CENPP: variants seen among roughly 807,000 people sequenced by gnomAD.
CENPP encodes the protein centromere protein P.
CENPP carries 24 observed loss-of-function variants against 35.6 expected under a neutral mutation model. The observed-to-expected ratio is 0.67, with a 90% CI of 0.49 to 0.95. The LOEUF is 0.95. CENPP is among the 40% of genes least tolerant of loss of function. The probability of loss-of-function intolerance (pLI) is 0.00; values close to 1 mark genes in which losing one functional copy is unlikely to be tolerated. For synonymous variants in CENPP, 120 were observed against 125.5 expected (o/e 0.96, Z 0.29); for missense variants, 332 against 345.3 (o/e 0.96, Z 0.31).
At chr9:92,379,429 G>T (rs1842196176) in intron 4 of CENPP, among the ~76,000 whole-genome samples, 2 of 152,210 alleles carry the variant, frequency 1.3e-5, no homozygotes, top group African/African-American at 4.8e-5. Flanking sequence ...AAAGCGCTGT[G>T]CCAGAAACTG....
At chr9:92,567,334 A>G (rs1402199078) in intron 5 of CENPP, among the ~76,000 whole-genome samples, 1 of 147,832 alleles carries the variant, frequency 6.8e-6, no homozygotes, top group Non-Finnish European at 1.5e-5. Context: ...TTTTAAATTG[A>G]CAATTATACA....
rs536270291 is a variant in CENPP, at chr9:92,413,554, C to T, written c.564+33695C>T. 6.6e-5 allele frequency among the ~76,000 whole-genome samples: 10 copies of T among 152,166 alleles called. No homozygotes were observed. The South Asian group carries it at 1.9e-3, about 28-fold the overall frequency. ...TCTAAAACACCTATAGTATTTTCCA[C>T]GTATTAACTCTTAATGTTTGAATTT... On this transcript the variant is annotated intron_variant, in intron 5 of 7. Coordinates refer to ENST00000375587, the MANE Select transcript of CENPP (RefSeq NM_001012267.3).
chr9:92,532,112 C>T (rs969123209), intron 5 of CENPP, among the ~76,000 whole-genome samples: 1 of 145,792 alleles, frequency 6.9e-6, no homozygotes, highest in South Asian at 2.1e-4. Context: ...CCACCTGACT[C>T]AACCTTTCGA....
intron 5 of CENPP, among the ~76,000 whole-genome samples, chr9:92,549,156 C>T (rs1368651108): frequency 6.6e-6 from 1 of 152,190 alleles, no homozygotes; most frequent in Non-Finnish European, 1.5e-5. Flanking sequence ...AGAGACCAAA[C>T]AGACCCACTC....
intron 3 of CENPP, among the ~76,000 whole-genome samples, chr9:92,344,940 G>A (rs932962957): frequency 1.3e-5 from 2 of 151,446 alleles, no homozygotes; most frequent in Non-Finnish European, 1.5e-5. Flanking sequence ...AGGCAGAGAC[G>A]GGGGGATCAG....
chr9:92,393,213 TAAAC>T (rs760127129), intron 5 of CENPP: 75 of 1,607,108 alleles, frequency 4.7e-5, no homozygotes, highest in South Asian at 9.0e-5. Context: ...CAGAGCCACT[TAAAC>T]AAACACACAG....
chr9:92,608,597 C>G (rs1851147297), intron 5 of CENPP, among the ~76,000 whole-genome samples: 1 of 152,194 alleles, frequency 6.6e-6, no homozygotes, highest in African/African-American at 2.4e-5. Flanking sequence ...CTTCTCTCCC[C>G]ACCTGTACAT....
intron 5 of CENPP, among the ~76,000 whole-genome samples, chr9:92,463,848 G>A (rs1418200742): frequency 6.6e-6 from 1 of 152,160 alleles, no homozygotes; most frequent in Admixed American, 6.5e-5. Flanking sequence ...TTAAACTGTT[G>A]TTTTCCTGGA....
At chr9:92,568,185 G>T (rs989871095) in intron 5 of CENPP, among the ~76,000 whole-genome samples, 1 of 151,160 alleles carries the variant, frequency 6.6e-6, no homozygotes, top group East Asian at 1.9e-4. Flanking sequence ...TGCTGTACTC[G>T]TTAACTCAAC....
At chr9:92,328,011 C>T (rs367570218) in intron 1 of CENPP, among the ~76,000 whole-genome samples, 3 of 152,068 alleles carry the variant, frequency 2.0e-5, no homozygotes, top group African/African-American at 7.2e-5. Flanking sequence ...AGGGGTATAA[C>T]GAGGTGTGTC....
intron 5 of CENPP, chr9:92,415,522 C>A (rs754783578): frequency 8.2e-6 from 9 of 1,103,376 alleles, no homozygotes; most frequent in African/African-American, 8.0e-5. Context: ...ATAGTATAAT[C>A]CATAGTTATA....
Position 92,428,998 on chromosome 9 carries a change from C to T in CENPP, c.564+49139C>T, listed in dbSNP as rs571331473. 3.3e-5 allele frequency among the ~76,000 whole-genome samples: 5 copies of T among 152,132 alleles called. No homozygotes were observed. In the East Asian group the frequency reaches 9.7e-4, roughly 29 times the overall value. ...AATCTTGTTGTTAGCTAACTCTTAT[C>T]TTTAAGACATCAGCTTATTCCAGTT... On this transcript the variant is annotated intron_variant, in intron 5 of 7. Coordinates refer to ENST00000375587, the MANE Select transcript of CENPP (RefSeq NM_001012267.3).
chr9:92,417,405 C>T (rs776018014), intron 5 of CENPP: 21 of 1,613,920 alleles, frequency 1.3e-5, no homozygotes, highest in East Asian at 6.7e-5. Flanking sequence ...AAAGGAACTC[C>T]GTAGTCTACA....
chr9:92,415,810 C>T (rs1460744917), intron 5 of CENPP, among the ~76,000 whole-genome samples: 2 of 145,502 alleles, frequency 1.4e-5, no homozygotes, highest in Non-Finnish European at 3.0e-5. Flanking sequence ...TATATATATA[C>T]ATATATAAAA....
chr9:92,533,071 A>G (rs1465776060), intron 5 of CENPP, among the ~76,000 whole-genome samples: 2 of 151,626 alleles, frequency 1.3e-5, no homozygotes, highest in African/African-American at 4.8e-5. Context: ...GGCCAAGGCT[A>G]GCGGATCACA....
At chr9:92,548,529 G>T (rs1247632849) in intron 5 of CENPP, among the ~76,000 whole-genome samples, 1 of 152,114 alleles carries the variant, frequency 6.6e-6, no homozygotes, top group Non-Finnish European at 1.5e-5. Context: ...TCAACTATCA[G>T]ATTGGAAATA....
chr9:92,327,712 C>T (rs554382283), intron 1 of CENPP, among the ~76,000 whole-genome samples: 3 of 152,304 alleles, frequency 2.0e-5, no homozygotes, highest in Admixed American at 2.0e-4. Context: ...CTTGTCCTAT[C>T]AAAGCCTGTG....
intron 5 of CENPP, among the ~76,000 whole-genome samples, chr9:92,416,099 T>A (rs1588114363): frequency 7.5e-6 from 1 of 132,848 alleles, no homozygotes; most frequent in African/African-American, 2.8e-5. Context: ...TATTTATTTA[T>A]TTTATTTTTT....
intron 3 of CENPP, among the ~76,000 whole-genome samples, chr9:92,342,638 G>C (rs72750501): frequency 0.035 from 5,397 of 152,298 alleles, 126 homozygotes; most frequent in South Asian, 0.081. Context: ...AAATTACAGA[G>C]AGCTGTGGAA....
Sources: allele counts gnomAD v4.1 joint callset (sites outside exome capture counted in the v4.1 genomes callset), GRCh38; gene constraint gnomAD v4.1.1; transcripts MANE v1.5; gene names NCBI Gene and HGNC (gene_info 2026-07-23, HGNC 2026-07-21).